PAPLN: variants seen among roughly 807,000 people sequenced by gnomAD.
PAPLN encodes papilin, proteoglycan like sulfated glycoprotein, also known as papilin.
PAPLN carries 146 observed loss-of-function variants against 159.0 expected under a neutral mutation model. That is an observed-to-expected ratio of 0.92 (90% CI 0.80 to 1.05). PAPLN has a LOEUF of 1.05. Among genes scored for constraint, PAPLN ranks in the 50% least tolerant of loss-of-function variants. The pLI, the probability that PAPLN is intolerant of heterozygous loss-of-function variation, is 0.00. For missense variants in PAPLN, 1,720 were observed against 1,743.9 expected (o/e 0.99, Z 0.24); for synonymous variants, 734 against 702.9 (o/e 1.04, Z -0.70).
In PAPLN at chr14:73,274,270, G is replaced by A. The variant is rs1174707715; in HGVS notation, c.*1606G>A. Reference sequence around the variant, plus strand: ...GACTTCTAATTCCTTGATGCTAAAAGAAGAGGCATGGATTCTATGAGCTTC... The same window carrying A: ...GACTTCTAATTCCTTGATGCTAAAAAAAGAGGCATGGATTCTATGAGCTTC... On this transcript the variant is annotated 3_prime_UTR_variant, in exon 27 of 27. Coordinates refer to ENST00000644200, the MANE Select transcript of PAPLN (RefSeq NM_001365906.3). The A allele has an allele frequency of 2.0e-5, 3 of 152,216 alleles. No individual in the cohort carries two copies. Among genetic ancestry groups the A allele is most frequent in the Non-Finnish European group, 4.4e-5 (3 of 68,042 alleles). 9.4% of individuals were successfully genotyped at this position (152,216 alleles called of 1,614,324 possible).
intron 5 of PAPLN, among the ~76,000 whole-genome samples, chr14:73,246,437 G>A (rs1323625888): frequency 1.4e-5 from 2 of 141,380 alleles, no homozygotes; most frequent in Non-Finnish European, 3.0e-5. Flanking sequence ...GGGTGGGCGC[G>A]GGGGCTCGCA....
chr14:73,238,248 C>A (rs1883182282), intron 1 of PAPLN, among the ~76,000 whole-genome samples: 1 of 152,240 alleles, frequency 6.6e-6, no homozygotes, highest in African/African-American at 2.4e-5. Context: ...GGGTCGCCGC[C>A]TTCGGCCCTA....
intron 6 of PAPLN, among the ~76,000 whole-genome samples, chr14:73,250,441 TG>T (rs1274713982): frequency 6.6e-6 from 1 of 152,188 alleles, no homozygotes; most frequent in African/African-American, 2.4e-5. Flanking sequence ...TTCCTCTCCT[TG>T]GGTCCAGCAT....
upstream of PAPLN, among the ~76,000 whole-genome samples, chr14:73,236,301 C>G (rs1234829994): frequency 6.6e-6 from 1 of 152,216 alleles, no homozygotes; most frequent in Non-Finnish European, 1.5e-5. Flanking sequence ...GGCTGCATTG[C>G]AGGCCCTGCC....
At chr14:73,266,123 G>A (rs1887190223) in intron 23 of PAPLN, among the ~76,000 whole-genome samples, 1 of 152,116 alleles carries the variant, frequency 6.6e-6, no homozygotes, top group African/African-American at 2.4e-5. Flanking sequence ...GGTGGATCAC[G>A]AGGTCAGGAG....
chr14:73,263,690 G>T lies in PAPLN; in HGVS notation c.2769G>T (p.Leu923=). ...AGCCCTCGTTGGTGCAGGCAGCCCT[G>T]GGGCAGTTGGTGCGGCTCTCCTGCT... is the stretch of plus-strand genomic sequence containing the variant. ...GVEPSLVQAA[L]GQLVRLSCSD... Residue 923 remains leucine (L), a synonymous_variant, in exon 20 of 27, where the codon CTG becomes CTT. Coordinates refer to ENST00000644200, the MANE Select transcript of PAPLN (RefSeq NM_001365906.3). 1.2e-6 allele frequency: 2 copies of T among 1,613,398 alleles called. No homozygotes were observed. The highest frequency in any genetic ancestry group is 1.7e-6 in the Non-Finnish European group (2 of 1,179,996).
In PAPLN at chr14:73,254,435, G is replaced by A. The variant is rs551748161; in HGVS notation, c.1303-78G>A. The A allele has an allele frequency of 3.7e-4, 574 of 1,550,416 alleles. 1 individual carries two copies. The highest frequency in any genetic ancestry group is 4.7e-4 in the Non-Finnish European group (536 of 1,139,700). On this transcript the variant is annotated intron_variant, in intron 12 of 26. Transcript: ENST00000644200. ...GTGCTATCTGCCTCCACACCAGGCT[G>A]GTGGGCCGCTAGCTGTCCGAACTGG...
At chr14:73,256,953 C>A (rs551179691) in intron 14 of PAPLN, among the ~76,000 whole-genome samples, 29 of 152,098 alleles carry the variant, frequency 1.9e-4, no homozygotes, top group Non-Finnish European at 3.2e-4. Context: ...AAGATGTAGT[C>A]CATGTGGGAA....
Position 73,255,014 on chromosome 14 carries a change from C to T in PAPLN, c.1623C>T (p.Pro541=). 3 of 1,612,556 alleles carry T rather than the reference C, an allele frequency of 1.9e-6. No homozygotes were observed. The highest frequency in any genetic ancestry group is 2.5e-6 in the Non-Finnish European group (3 of 1,179,550). ...EPCNTQPCHL[P]QEVPSMQDVH... is the part of the protein sequence containing the mutation. ...GTAACACGCAGCCCTGTCATCTCCC[C>T]CAGGGTAAGGACAGGAGGGCAGGGA... The change falls in exon 14 of 27, where the codon CCC becomes CCT. Residue 541 remains proline, a synonymous_variant. Transcript: ENST00000644200.
chr14:73,263,549 T>TGG, intron 19 of PAPLN, 96 bp from the exon 20 acceptor site: 1 of 1,523,044 alleles, frequency 6.6e-7, no homozygotes, highest in Non-Finnish European at 9.0e-7. Flanking sequence ...TGTGACAGGA[T>TGG]GGGCCCCAAG....
chr14:73,250,305 T>A (rs1023279877), intron 6 of PAPLN, among the ~76,000 whole-genome samples, 191 bp downstream of exon 6: 1 of 152,134 alleles, frequency 6.6e-6, no homozygotes, highest in African/African-American at 2.4e-5. Flanking sequence ...CTCACCTTCA[T>A]CCTTGGAGAA....
intron 2 of PAPLN, among the ~76,000 whole-genome samples, chr14:73,241,893 C>T (rs951273804): frequency 7.2e-5 from 11 of 152,250 alleles, no homozygotes; most frequent in African/African-American, 2.4e-4. Context: ...GCAGTTGATT[C>T]CCCTGGAAAC....
At chr14:73,239,599 C>A in intron 1 of PAPLN, 174 bp from the exon 2 acceptor site, 1 of 1,281,086 alleles carries the variant, frequency 7.8e-7, no homozygotes. Context: ...AGCCGCCCGG[C>A]GGGGCGCCCT....
intron 2 of PAPLN, chr14:73,243,790 A>G (rs1883875428): frequency 6.6e-6 from 1 of 152,180 alleles, no homozygotes; most frequent in Non-Finnish European, 1.5e-5. Flanking sequence ...GACAGACATG[A>G]TTCCTCTCTC....
In PAPLN at chr14:73,246,132, G is replaced by T. The variant is rs1225226340; in HGVS notation, c.291G>T (p.Ala97=). Residue 97 remains alanine, a synonymous_variant, in exon 5 of 27, where the codon GCG becomes GCT. Transcript: ENST00000644200. Reference sequence around the variant, plus strand: ...AGCAGTGCGCGGAGTTCGACGGAGCGGAGTTCCAGGGGCGGCGGTATCGGT... The same window carrying T: ...AGCAGTGCGCGGAGTTCGACGGAGCTGAGTTCCAGGGGCGGCGGTATCGGT... ...RAEQCAEFDG[A]EFQGRRYRWL... 6.3e-7 allele frequency: 1 copy of T among 1,591,270 alleles called. No homozygotes were observed. The highest frequency in any genetic ancestry group is 8.5e-7 in the Non-Finnish European group (1 of 1,171,554).
rs2140247256 is a variant in PAPLN at position 73,253,931 on chromosome 14, T to C, written c.1272T>C (p.Cys424=). 1 of 1,612,600 alleles carries C rather than the reference T, an allele frequency of 6.2e-7. No individual in the cohort carries two copies. The highest frequency in any genetic ancestry group is 1.3e-5 in the African/African-American group (1 of 75,014). The change falls in exon 12 of 27, where the codon TGT becomes TGC. Residue 424 remains cysteine, a synonymous_variant. Coordinates refer to ENST00000644200, the MANE Select transcript of PAPLN (RefSeq NM_001365906.3). ...PAIQACNLQR[C]AAWSPEPWGE... is the part of the protein sequence containing the mutation. ...TTCAGGCCTGTAACCTGCAGCGCTG[T>C]GCAGCCTGGAGCCCGGAGCCCTGGG...
At chr14:73,263,539 T>G in intron 19 of PAPLN, 106 bp from the exon 20 acceptor site, 2 of 1,470,042 alleles carry the variant, frequency 1.4e-6, no homozygotes, top group East Asian at 2.3e-5. Flanking sequence ...CAAAAGTGCC[T>G]GTGACAGGAT....
At chr14:73,256,198 T>C (rs1032276722) in intron 14 of PAPLN, among the ~76,000 whole-genome samples, 4 of 152,088 alleles carry the variant, frequency 2.6e-5, no homozygotes, top group African/African-American at 9.7e-5. Context: ...GAGGTGATCT[T>C]AAGCCTGTCC....
intron 2 of PAPLN, among the ~76,000 whole-genome samples, chr14:73,241,830 C>G (rs866611473): frequency 3.7e-4 from 56 of 152,386 alleles, no homozygotes; most frequent in African/African-American, 1.3e-3. Context: ...CTGCTCCCGT[C>G]TGCACACGGG....
Sources: allele counts gnomAD v4.1 joint callset (sites outside exome capture counted in the v4.1 genomes callset), GRCh38; gene constraint gnomAD v4.1.1; transcripts MANE v1.5; gene names NCBI Gene and HGNC (gene_info 2026-07-23, HGNC 2026-07-21).